MYO16: variants seen among roughly 807,000 people sequenced by gnomAD.
The protein encoded by MYO16 is myosin XVI, also known as unconventional myosin-XVI.
In MYO16, 94 loss-of-function variants were observed where a neutral mutation model predicts 205.3. The observed-to-expected ratio is 0.46, with a 90% confidence interval of 0.39 to 0.54. The LOEUF (loss-of-function observed/expected upper bound fraction) is 0.54, where lower values mean the gene tolerates loss of function less well. Among genes scored for constraint, MYO16 ranks in the 20% least tolerant of loss-of-function variants. The probability of loss-of-function intolerance (pLI) is 0.00; values close to 1 mark genes in which losing one functional copy is unlikely to be tolerated. For synonymous variants in MYO16, 988 were observed against 954.0 expected (o/e 1.04, Z -0.66); for missense variants, 2,315 against 2,387.5 (o/e 0.97, Z 0.63).
At chr13:108,960,645 T>A (rs1359460557) in intron 17 of MYO16, among the ~76,000 whole-genome samples, 1 of 152,332 alleles carries the variant, frequency 6.6e-6, no homozygotes, top group Non-Finnish European at 1.5e-5. Context: ...GAGTTTTTGT[T>A]CTCAAATTAC....
intron 2 of MYO16, among the ~76,000 whole-genome samples, chr13:108,667,668 C>T (rs1220247236): frequency 6.6e-6 from 1 of 152,166 alleles, no homozygotes; most frequent in Non-Finnish European, 1.5e-5. Flanking sequence ...TTGTTCAACA[C>T]ACAGTAGTTG....
intron 23 of MYO16, among the ~76,000 whole-genome samples, chr13:109,033,281 T>C (rs760858103): frequency 6.6e-6 from 1 of 152,228 alleles, no homozygotes; most frequent in Non-Finnish European, 1.5e-5. Context: ...CATTAGGCTC[T>C]GTGCACAATA....
intron 3 of MYO16, among the ~76,000 whole-genome samples, chr13:108,719,714 G>A (rs543649564): frequency 3.3e-5 from 5 of 152,268 alleles, no homozygotes; most frequent in Admixed American, 2.6e-4. Flanking sequence ...CTGTGTTCCC[G>A]TATTCAATTA....
chr13:108,699,076 GTC>G (rs71791844), intron 2 of MYO16, among the ~76,000 whole-genome samples: 24,554 of 147,672 alleles, frequency 0.17, 2,133 homozygotes, highest in East Asian at 0.29. Flanking sequence ...GTCTCTCTCT[GTC>G]TCTCTCTCTC....
chr13:109,105,222 G>A (rs906760663), intron 28 of MYO16, among the ~76,000 whole-genome samples: 8 of 152,244 alleles, frequency 5.3e-5, no homozygotes, highest in African/African-American at 1.9e-4. Flanking sequence ...TATAATACCA[G>A]CACTTTGAGA....
intron 12 of MYO16, among the ~76,000 whole-genome samples, chr13:108,868,233 TG>T (rs1442575541): frequency 6.6e-6 from 1 of 152,146 alleles, no homozygotes; most frequent in Non-Finnish European, 1.5e-5. Flanking sequence ...ATTTTCTGCG[TG>T]GTTGTACTAA....
At chr13:108,863,066 C>A (rs1158755760) in intron 11 of MYO16, among the ~76,000 whole-genome samples, 1 of 152,006 alleles carries the variant, frequency 6.6e-6, no homozygotes, top group Non-Finnish European at 1.5e-5. Context: ...CATTTTTTAT[C>A]CATCAAACTT....
At chr13:109,051,750 G>T (rs1197362704) in intron 24 of MYO16, among the ~76,000 whole-genome samples, 1 of 152,036 alleles carries the variant, frequency 6.6e-6, no homozygotes, top group African/African-American at 2.4e-5. Flanking sequence ...GCTTAACTGT[G>T]TTTTTTGTTA....
chr13:108,674,763 A>G (rs1487173513), intron 2 of MYO16, among the ~76,000 whole-genome samples: 1 of 152,196 alleles, frequency 6.6e-6, no homozygotes, highest in Non-Finnish European at 1.5e-5. Flanking sequence ...TTAGGAGTGT[A>G]TTTGACATGG....
chr13:108,588,871 T>C, the MYO16 span, among the ~76,000 whole-genome samples: 1 of 151,684 alleles, frequency 6.6e-6, no homozygotes, highest in Admixed American at 6.6e-5. Flanking sequence ...AAATATACTT[T>C]CTTTTCAGCC....
At chr13:109,150,989 T>C (rs557768575) in intron 32 of MYO16, among the ~76,000 whole-genome samples, 3 of 152,364 alleles carry the variant, frequency 2.0e-5, no homozygotes, top group South Asian at 4.1e-4. Flanking sequence ...AAGAAATGCT[T>C]AGAAGCAACA....
intron 6 of MYO16, among the ~76,000 whole-genome samples, chr13:108,803,502 G>A (rs1887025615): frequency 6.6e-6 from 1 of 152,136 alleles, no homozygotes; most frequent in African/African-American, 2.4e-5. Context: ...CAGTGTTGGG[G>A]GCTTTGACCG....
At chr13:109,009,494 C>T (rs1452791211) in intron 22 of MYO16, among the ~76,000 whole-genome samples, 1 of 152,036 alleles carries the variant, frequency 6.6e-6, no homozygotes, top group Non-Finnish European at 1.5e-5. Context: ...TATATAATGT[C>T]GGTTAAATTA....
chr13:108,516,467 G>A, the MYO16 span, among the ~76,000 whole-genome samples: 4 of 152,150 alleles, frequency 2.6e-5, no homozygotes, highest in Non-Finnish European at 5.9e-5. Context: ...CTGTAGACCG[G>A]AGCTGTTCCT....
the MYO16 span, among the ~76,000 whole-genome samples, chr13:108,510,135 G>A: frequency 2.6e-5 from 4 of 151,888 alleles, no homozygotes; most frequent in African/African-American, 7.3e-5. Context: ...TTTGTTTTTC[G>A]AGACAGAGTC....
intron 4 of MYO16, among the ~76,000 whole-genome samples, chr13:108,747,430 G>C (rs1885100717): frequency 6.6e-6 from 1 of 152,072 alleles, no homozygotes; most frequent in South Asian, 2.1e-4. Flanking sequence ...TAAGATACCT[G>C]TACTACATGT....
At chr13:108,506,020 A>T in the MYO16 span, among the ~76,000 whole-genome samples, 56 of 152,138 alleles carry the variant, frequency 3.7e-4, no homozygotes, top group African/African-American at 1.2e-3. Flanking sequence ...ATTGGTCTTT[A>T]TGTCTGTTTT....
chr13:108,644,362 GTCTATCTATCTATCTATCTATCTATCTA>G (rs68036528), intron 1 of MYO16, among the ~76,000 whole-genome samples: 3 of 148,118 alleles, frequency 2.0e-5, no homozygotes, highest in Non-Finnish European at 3.0e-5. Flanking sequence ...CTGTCTGTCT[GTCTATCTATCTATCTATCTATCTATCTA>G]TCTATCTATC....
At chr13:108,942,078 A>G (rs1882754672) in intron 16 of MYO16, among the ~76,000 whole-genome samples, 2 of 152,220 alleles carry the variant, frequency 1.3e-5, no homozygotes, top group African/African-American at 4.8e-5. Context: ...ACAATTCTGC[A>G]CTTCCAGAGA....
Sources: allele counts gnomAD v4.1 joint callset (sites outside exome capture counted in the v4.1 genomes callset), GRCh38; gene constraint gnomAD v4.1.1; transcripts MANE v1.5; gene names NCBI Gene and HGNC (gene_info 2026-07-23, HGNC 2026-07-21).